The following CNST variants were observed in gnomAD, a reference collection of about 807,000 sequenced individuals.
The protein encoded by CNST is consortin, connexin sorting protein.
CNST carries 39 observed loss-of-function variants against 72.4 expected under a neutral mutation model. The ratio of observed to expected loss-of-function variants is 0.54; its 90% CI spans 0.42 to 0.70. The LOEUF (loss-of-function observed/expected upper bound fraction) is 0.70, where lower values mean the gene tolerates loss of function less well. CNST is among the 30% of genes least tolerant of loss of function. The pLI is 0.00. For missense variants in CNST, 871 were observed against 868.5 expected, an observed-to-expected ratio of 1.00 and a Z score of -0.04; for synonymous variants, 332 against 320.1, an observed-to-expected ratio of 1.04 and a Z score of -0.40.
At chr1:246,578,314 G>A (rs533479218) in intron 1 of CNST, among the ~76,000 whole-genome samples, 5 of 152,194 alleles carry the variant, frequency 3.3e-5, no homozygotes, top group African/African-American at 9.7e-5. Flanking sequence ...TTTAAAATAA[G>A]CTCTAAAATT....
chr1:246,569,719 T>C (rs954121566), intron 1 of CNST, among the ~76,000 whole-genome samples: 1 of 152,196 alleles, frequency 6.6e-6, no homozygotes, highest in East Asian at 1.9e-4. Context: ...GTAGCCACCA[T>C]GCCCAGCCTC....
intron 1 of CNST, among the ~76,000 whole-genome samples, chr1:246,585,792 T>G (rs1661138651): frequency 6.6e-6 from 1 of 151,578 alleles, no homozygotes; most frequent in Admixed American, 6.6e-5. Flanking sequence ...TCAGTTTCTT[T>G]GCCTACGCTG....
chr1:246,634,532 G>T lies in CNST; in HGVS notation c.763G>T (p.Gly255Ter), dbSNP rs1474874420. 6 of 1,609,088 alleles carry T rather than the reference G, an allele frequency of 3.7e-6. No homozygotes were observed. The highest frequency in any genetic ancestry group is 4.2e-6 in the Non-Finnish European group (5 of 1,179,012). The change falls in exon 6 of 11, where the codon GGA becomes TGA. Residue 255 changes from glycine (G) to a stop codon, truncating the protein, a stop_gained. Coordinates refer to ENST00000366513, the MANE Select transcript of CNST (RefSeq NM_152609.3). LOFTEE classifies it high-confidence loss of function. Reference sequence around the variant, plus strand: ...TACGGCTCTAAGGAATTCAGAAAAGGGATTTAATGGTGAAGATTTTGAACG... The same window carrying T: ...TACGGCTCTAAGGAATTCAGAAAAGTGATTTAATGGTGAAGATTTTGAACG... ...TVTALRNSEK[G>*]FNGEDFERLT...
chr1:246,664,633 AG>A (rs1667300159), intron 10 of CNST, among the ~76,000 whole-genome samples: 1 of 151,824 alleles, frequency 6.6e-6, no homozygotes, highest in Non-Finnish European at 1.5e-5. Context: ...TCACCGTGTC[AG>A]CCAGGATGGT....
At chr1:246,582,872 T>C (rs1460367953) in intron 1 of CNST, among the ~76,000 whole-genome samples, 3 of 152,196 alleles carry the variant, frequency 2.0e-5, no homozygotes, top group Admixed American at 6.5e-5. Context: ...ATCTGCTATA[T>C]CAACATTTCC....
chr1:246,647,157 G>T lies in CNST; in HGVS notation c.956G>T (p.Gly319Val), dbSNP rs150502545. The change falls in exon 9 of 11, where the codon GGC (glycine) becomes GTC (valine). Residue 319 changes from glycine to valine, a missense_variant. Gly to Val is a moderately radical substitution (Grantham distance 109, BLOSUM62 -3). Coordinates refer to ENST00000366513, the MANE Select transcript of CNST (RefSeq NM_152609.3). ...TCTTTAGAGAGTAAAACTTGTCTCG[G>T]CACAGAGTCAAGTAAAGAAAGCCAA... The part of the protein sequence containing the change: ...TKESESKTCL[G>V]TESSKESQHT... 168 of 1,612,088 alleles carry T rather than the reference G, an allele frequency of 1.0e-4. No homozygotes were observed. In the Middle Eastern group the frequency reaches 1.7e-3, roughly 16 times the overall value.
rs9426205 is a variant in CNST at position 246,646,018 on chromosome 1, G to A, written c.938-1121G>A. ...GAAGTTGCTCGGCGTGGTGGCTCACGCCTGTAATCCCAGCACTTTGGGAGG... is the reference window on the plus strand; with the variant it reads ...GAAGTTGCTCGGCGTGGTGGCTCACACCTGTAATCCCAGCACTTTGGGAGG... On this transcript the variant is annotated intron_variant, in intron 8 of 10. Coordinates refer to ENST00000366513, the MANE Select transcript of CNST (RefSeq NM_152609.3). Among the ~76,000 whole-genome samples, 1,470 of 152,012 alleles carry A rather than the reference G, an allele frequency of 9.7e-3. 8 individuals are homozygous for A. The highest frequency in any genetic ancestry group is 0.015 in the Non-Finnish European group (1,004 of 67,958).
At chr1:246,630,179 C>T (rs1170841305) in intron 3 of CNST, among the ~76,000 whole-genome samples, 1 of 152,210 alleles carries the variant, frequency 6.6e-6, no homozygotes, top group African/African-American at 2.4e-5. Context: ...ATTGACACCA[C>T]TGAAATGAGC....
chr1:246,658,808 T>C (rs1666906134), intron 9 of CNST, among the ~76,000 whole-genome samples: 1 of 152,222 alleles, frequency 6.6e-6, no homozygotes, highest in African/African-American at 2.4e-5. Flanking sequence ...TGTCATCACC[T>C]ACAGCTTGTA....
rs982141980 is a variant in CNST, at chr1:246,644,257, C to T, written c.937+2220C>T. Among the ~76,000 whole-genome samples the T allele has an allele frequency of 8.2e-4, 124 of 152,058 alleles. 1 individual carries two copies. Among genetic ancestry groups the T allele is most frequent in the Non-Finnish European group, 3.4e-4 (23 of 67,980 alleles). ...CAAAAAAATTAGCCGGGCGTGGTGG[C>T]GGGCGCCTGTAGTCCCAGCTGCTGG... is the stretch of plus-strand genomic sequence containing the variant. On this transcript the variant is annotated intron_variant, in intron 8 of 10. Coordinates refer to ENST00000366513, the MANE Select transcript of CNST (RefSeq NM_152609.3).
At chr1:246,631,011 G>A (rs771422277) in intron 3 of CNST, among the ~76,000 whole-genome samples, 30 of 152,172 alleles carry the variant, frequency 2.0e-4, no homozygotes, top group Non-Finnish European at 3.5e-4. Context: ...CTCCCAAAGC[G>A]CTGGGATTAC....
chr1:246,642,483 G>A (rs1487584838), intron 8 of CNST, among the ~76,000 whole-genome samples: 2 of 151,712 alleles, frequency 1.3e-5, no homozygotes, highest in African/African-American at 4.8e-5. Context: ...ATAATTTATA[G>A]CAATTTAATT....
intron 2 of CNST, among the ~76,000 whole-genome samples, chr1:246,614,947 G>A (rs1663582210): frequency 6.6e-6 from 1 of 152,132 alleles, no homozygotes; most frequent in African/African-American, 2.4e-5. Context: ...CTATTAAAAG[G>A]AACGTGAATG....
intron 2 of CNST, among the ~76,000 whole-genome samples, chr1:246,609,178 A>G (rs1663135039): frequency 6.6e-6 from 1 of 152,348 alleles, no homozygotes; most frequent in East Asian, 1.9e-4. Flanking sequence ...ACTAATTTCC[A>G]GATTTATTTC....
intron 9 of CNST, among the ~76,000 whole-genome samples, chr1:246,659,187 A>C (rs191103135): frequency 6.6e-6 from 1 of 152,366 alleles, no homozygotes; most frequent in East Asian, 1.9e-4. Flanking sequence ...AGCTGTGCAC[A>C]GTGTTCAGAT....
At chr1:246,592,898 C>G (rs1239324586) in intron 2 of CNST, among the ~76,000 whole-genome samples, 2 of 152,146 alleles carry the variant, frequency 1.3e-5, no homozygotes, top group Non-Finnish European at 2.9e-5. Context: ...ACAGGGCCCC[C>G]TTGGGAAAAG....
At chr1:246,628,384 T>A (rs1428048580) in intron 3 of CNST, among the ~76,000 whole-genome samples, 1 of 152,006 alleles carries the variant, frequency 6.6e-6, no homozygotes, top group Non-Finnish European at 1.5e-5. Flanking sequence ...GGTATTCGAG[T>A]GTGAGAACTA....
At position 246,591,690 on chromosome 1, in the gene CNST, T is replaced by C. The variant is rs767148252; in HGVS notation, c.128T>C (p.Leu43Pro). 6 of 1,614,044 alleles carry C rather than the reference T, an allele frequency of 3.7e-6. No individual in the cohort carries two copies. The highest frequency in any genetic ancestry group is 5.1e-6 in the Non-Finnish European group (6 of 1,180,054). ...GCATCAGATGAAAATGAAAATCAGC[T>C]TGACGGGGACGGGCATGAGCATCTG... ...PSASDENENQ[L>P]DGDGHEHLTS... Residue 43 changes from leucine to proline, a missense_variant, in exon 2 of 11, where the codon CTT becomes CCT. By Grantham distance (98) the Leu-to-Pro change is moderately conservative. Transcript: ENST00000366513.
intron 1 of CNST, among the ~76,000 whole-genome samples, chr1:246,572,532 T>TTGAA (rs1660126845): frequency 6.6e-6 from 1 of 152,120 alleles, no homozygotes; most frequent in Non-Finnish European, 1.5e-5. Context: ...GGTTTGTTAT[T>TTGAA]TAGAGATGAG....
Sources: allele counts gnomAD v4.1 joint callset (sites outside exome capture counted in the v4.1 genomes callset), GRCh38; gene constraint gnomAD v4.1.1; transcripts MANE v1.5; gene names NCBI Gene and HGNC (gene_info 2026-07-23, HGNC 2026-07-21).